PALB2: variants seen among roughly 807,000 people sequenced by gnomAD.
PALB2 encodes the protein partner and localizer of BRCA2.
A neutral mutation model predicts 107.4 loss-of-function variants in PALB2; 82 were observed. The observed-to-expected ratio is 0.76, with a 90% confidence interval of 0.64 to 0.92. The LOEUF (loss-of-function observed/expected upper bound fraction) is 0.92, where lower values mean the gene tolerates loss of function less well. Among genes scored for constraint, PALB2 ranks in the 40% least tolerant of loss-of-function variants. The pLI is 0.00. For missense variants in PALB2, 1,374 were observed against 1,379.9 expected (o/e 1.00, Z 0.07); for synonymous variants, 489 against 496.8 (o/e 0.98, Z 0.21).
intron 9 of PALB2, among the ~76,000 whole-genome samples, chr16:23,621,919 A>G (rs1966780430): frequency 6.6e-6 from 1 of 152,086 alleles, no homozygotes; most frequent in East Asian, 1.9e-4. Context: ...CTTCCTCTCA[A>G]TCTAGTCAAT....
rs548838200 is a variant in PALB2, at chr16:23,606,668, G to T, written c.3350+1196C>A. On this transcript the variant is annotated intron_variant, in intron 12 of 12. Transcript: ENST00000261584. ...AGCCTCCTGAGTAGCTGGGATTACA[G>T]GCACGCACTACCATGCCCAGCTAAT... Among the ~76,000 whole-genome samples, 87 of 151,706 alleles carry T rather than the reference G, an allele frequency of 5.7e-4. 1 individual carries two copies. Among genetic ancestry groups the T allele is most frequent in the African/African-American group, 2.1e-3 (86 of 41,320 alleles).
chr16:23,636,736 A>G (rs759397372), intron 3 of PALB2, among the ~76,000 whole-genome samples: 5 of 152,166 alleles, frequency 3.3e-5, no homozygotes, highest in Admixed American at 2.0e-4. Context: ...TTATCACACA[A>G]TCTCTTCTCT....
chr16:23,632,499 A>T (rs183983359), intron 4 of PALB2, among the ~76,000 whole-genome samples: 2 of 152,292 alleles, frequency 1.3e-5, no homozygotes, highest in Admixed American at 1.3e-4. Context: ...CACATATTGT[A>T]TGATTCCATA....
At chr16:23,622,585 G>A (rs1195597879) in intron 9 of PALB2, among the ~76,000 whole-genome samples, 2 of 152,072 alleles carry the variant, frequency 1.3e-5, no homozygotes, top group African/African-American at 4.8e-5. Flanking sequence ...TTGTAAAGAT[G>A]GGGCCCTGCT....
chr16:23,614,700 G>GAGTGC (rs1472700544), intron 10 of PALB2, among the ~76,000 whole-genome samples: 1 of 143,732 alleles, frequency 7.0e-6, no homozygotes, highest in African/African-American at 2.6e-5. Context: ...GCCCAGGCTG[G>GAGTGC]AGTGCAGTGG....
At chr16:23,609,368 T>G (rs1966542388) in intron 11 of PALB2, among the ~76,000 whole-genome samples, 1 of 152,102 alleles carries the variant, frequency 6.6e-6, no homozygotes, top group Non-Finnish European at 1.5e-5. Context: ...AAGGCTATAG[T>G]GAGCTATGAT....
At chr16:23,639,657 T>TA (rs1967161945) in intron 1 of PALB2, among the ~76,000 whole-genome samples, 1 of 151,104 alleles carries the variant, frequency 6.6e-6, no homozygotes, top group East Asian at 2.0e-4. Flanking sequence ...CTGTCTCTAC[T>TA]AAAAATACAA....
intron 2 of PALB2, 45 bp from the exon 3 acceptor site, chr16:23,637,997 T>C: frequency 6.2e-7 from 1 of 1,603,346 alleles, no homozygotes; most frequent in Non-Finnish European, 8.5e-7. Context: ...TTCTTTAAAG[T>C]TTTATAGAGT....
rs891177722 is a variant in PALB2 at position 23,622,863 on chromosome 16, A to G, written c.2996+106T>C. The G allele has an allele frequency of 4.8e-5, 61 of 1,271,470 alleles. No individual in the cohort carries two copies. The South Asian group carries it at 7.0e-4, about 15-fold the overall frequency. The allele number at this position is 1,271,470 out of a possible 1,614,324, so 78.8% of individuals were successfully genotyped here. On this transcript the variant is annotated intron_variant, in intron 9 of 12. Transcript: ENST00000261584. ...TTGATGCGGTACATGCTTATATTAC[A>G]CCCCCAGCACAGAAAAACGAGATCC...
rs1555460654 is a variant in PALB2 at position 23,630,376 on chromosome 16, T to C, written c.1778A>G (p.His593Arg). Residue 593 changes from histidine (H) to arginine (R), a missense_variant, in exon 5 of 13, where the codon CAT becomes CGT. Transcript: ENST00000261584. Reference protein sequence around the residue: ...LDDDAFTAPFHRDGMLSLKQL... With the variant: ...LDDDAFTAPFRRDGMLSLKQL... ...CTTTAAACTCAGCATTCCATCCCTA[T>C]GAAATGGAGCCGTGAAAGCATCATC... 1.9e-6 allele frequency: 3 copies of C among 1,614,018 alleles called. No homozygotes were observed. The East Asian group carries it at 6.7e-5, about 36-fold the overall frequency.
rs1441357012 is a variant in PALB2 at position 23,619,762 on chromosome 16, A to G, written c.3113+1600T>C. Among the ~76,000 whole-genome samples, 7 of 152,102 alleles carry G rather than the reference A, an allele frequency of 4.6e-5. 1 individual carries two copies. Among genetic ancestry groups the G allele is most frequent in the Admixed American group, 4.6e-4 (7 of 15,256 alleles). On this transcript the variant is annotated intron_variant, in intron 10 of 12. Coordinates refer to ENST00000261584, the MANE Select transcript of PALB2 (RefSeq NM_024675.4). ...ATATGGTAAGTACTTTTAAAATACAATTCTATTGACTTTTAAAAAATTATT... is the reference window on the plus strand; with the variant it reads ...ATATGGTAAGTACTTTTAAAATACAGTTCTATTGACTTTTAAAAAATTATT...
intron 10 of PALB2, among the ~76,000 whole-genome samples, chr16:23,617,339 G>T (rs1247252269): frequency 1.3e-5 from 2 of 151,958 alleles, no homozygotes; most frequent in Non-Finnish European, 2.9e-5. Flanking sequence ...TGGAGCTAAG[G>T]CAGGCACCAA....
At chr16:23,632,040 T>C (rs1168397643) in intron 4 of PALB2, among the ~76,000 whole-genome samples, 1 of 152,132 alleles carries the variant, frequency 6.6e-6, no homozygotes, top group Admixed American at 6.5e-5. Flanking sequence ...ATATCCTCAA[T>C]GATGAATGCA....
intron 10 of PALB2, among the ~76,000 whole-genome samples, chr16:23,621,059 A>C (rs1433255262): frequency 6.6e-6 from 1 of 152,184 alleles, no homozygotes; most frequent in Non-Finnish European, 1.5e-5. Context: ...AAAATACAAA[A>C]ATTAGCTGGG....
At chr16:23,638,578 A>T (rs1967124052) in intron 1 of PALB2, 2 of 456,632 alleles carry the variant, frequency 4.4e-6, no homozygotes, top group Non-Finnish European at 8.8e-6. Flanking sequence ...TTAATGGTCC[A>T]GGTATCTCTA....
At chr16:23,610,598 C>T (rs142115016) in intron 11 of PALB2, among the ~76,000 whole-genome samples, 5,083 of 151,874 alleles carry the variant, frequency 0.033, 118 homozygotes, top group Middle Eastern at 0.088. Flanking sequence ...TGAGCCACCA[C>T]GCCTGGCATT....
At chr16:23,634,811 T>G (rs1325319792) in intron 4 of PALB2, 51 bp downstream of exon 4, 1 of 1,571,646 alleles carries the variant, frequency 6.4e-7, no homozygotes. Context: ...CAAATAGTAA[T>G]TGTTAACTTT....
At chr16:23,612,937 G>C (rs1481858777) in intron 11 of PALB2, among the ~76,000 whole-genome samples, 3 of 151,688 alleles carry the variant, frequency 2.0e-5, no homozygotes, top group African/African-American at 7.3e-5. Flanking sequence ...ATTTTTAGTA[G>C]AGGTGGGCTT....
intron 6 of PALB2, 123 bp from the exon 7 acceptor site, chr16:23,626,520 T>G (rs1260876113): frequency 8.5e-6 from 10 of 1,172,032 alleles, no homozygotes; most frequent in Non-Finnish European, 9.9e-6. Flanking sequence ...TTAAGTCTTA[T>G]GCAGGTGAAA....
Sources: gnomAD v4.1 joint callset for allele counts (sites outside exome capture counted in the v4.1 genomes callset) on GRCh38, gnomAD v4.1.1 for gene constraint, MANE v1.5 for transcripts, NCBI Gene and HGNC (gene_info 2026-07-23, HGNC 2026-07-21) for gene names.